The following COL10A1 variants were observed in gnomAD, a reference collection of about 807,000 sequenced individuals.
The protein encoded by COL10A1 is collagen type X alpha 1 chain, also known as collagen alpha-1(X) chain.
In COL10A1, 10 loss-of-function variants were observed where a neutral mutation model predicts 18.2. The ratio of observed to expected loss-of-function variants is 0.55; its 90% CI spans 0.34 to 0.93. The LOEUF is 0.93. Ranked by LOEUF, COL10A1 falls within the 40% of genes least tolerant of loss-of-function variation. COL10A1 has a pLI of 0.02. For synonymous variants in COL10A1, 330 were observed against 316.6 expected, an observed-to-expected ratio of 1.04 and a Z score of -0.45; for missense variants, 897 against 853.5, an observed-to-expected ratio of 1.05 and a Z score of -0.64.
the COL10A1 span, among the ~76,000 whole-genome samples, chr6:116,174,201 G>A: frequency 6.6e-6 from 1 of 152,126 alleles, no homozygotes; most frequent in Admixed American, 6.5e-5. Context: ...TTTCTCTACT[G>A]TAAAGTTACT....
chr6:116,124,144 T>G (rs2114303045), intron 2 of COL10A1, among the ~76,000 whole-genome samples: 1 of 152,274 alleles, frequency 6.6e-6, no homozygotes, highest in Non-Finnish European at 1.5e-5. Flanking sequence ...TTAAGTTTCC[T>G]TTTGTGAAAT....
chr6:116,147,672 TACAAG>T (rs1164427980), intron 1 of COL10A1, among the ~76,000 whole-genome samples: 3 of 152,204 alleles, frequency 2.0e-5, no homozygotes, highest in African/African-American at 7.2e-5. Context: ...TAGAAACTGT[TACAAG>T]ACTTTATATA....
chr6:116,174,879 A>T, the COL10A1 span, among the ~76,000 whole-genome samples: 1 of 152,190 alleles, frequency 6.6e-6, no homozygotes, highest in Non-Finnish European at 1.5e-5. Flanking sequence ...AAGCCATTTT[A>T]GGATAGCAAG....
the COL10A1 span, among the ~76,000 whole-genome samples, chr6:116,180,864 G>A: frequency 5.3e-5 from 8 of 152,028 alleles, no homozygotes; most frequent in Non-Finnish European, 7.4e-5. Flanking sequence ...TTTGTGAGTC[G>A]TGTATTTTCA....
the COL10A1 span, among the ~76,000 whole-genome samples, chr6:116,208,605 A>G: frequency 6.6e-6 from 1 of 151,996 alleles, no homozygotes; most frequent in Non-Finnish European, 1.5e-5. Flanking sequence ...TCATGTCATC[A>G]TGTCATCATG....
At chr6:116,212,885 A>C in the COL10A1 span, among the ~76,000 whole-genome samples, 54 of 152,126 alleles carry the variant, frequency 3.5e-4, no homozygotes, top group Non-Finnish European at 4.4e-5. Context: ...TAAAACATTT[A>C]TGCTGACAAA....
the COL10A1 span, among the ~76,000 whole-genome samples, chr6:116,193,993 T>A: frequency 6.6e-6 from 1 of 151,792 alleles, no homozygotes; most frequent in African/African-American, 2.4e-5. Context: ...AAGCCCAGGA[T>A]CCATGATCAC....
chr6:116,216,154 G>GATAATT, the COL10A1 span, among the ~76,000 whole-genome samples: 2 of 151,990 alleles, frequency 1.3e-5, no homozygotes, highest in South Asian at 4.1e-4. Context: ...TGACATTTAA[G>GATAATT]ATAATTGGCA....
rs776946411 is a variant in COL10A1, at chr6:116,121,153, G to A, written c.963C>T (p.Ala321=). 1.2e-6 allele frequency: 2 copies of A among 1,613,152 alleles called. No individual in the cohort carries two copies. Among genetic ancestry groups the A allele is most frequent in the Admixed American group, 1.7e-5 (1 of 59,938 alleles). The change falls in exon 3 of 3, where the codon GCC becomes GCT. Residue 321 remains alanine, a synonymous_variant. Transcript: ENST00000651968. The stretch of plus-strand genomic sequence containing the variant: ...GACCTGCTGGCCCTTGTTCCCCTTT[G>A]GCACCTGGACCCCCAGGAAGGCCAG... ...GPAGLPGGPG[A]KGEQGPAGLP...
intron 1 of COL10A1, among the ~76,000 whole-genome samples, chr6:116,135,873 A>ATATATATG (rs1491111454): frequency 9.7e-5 from 6 of 62,176 alleles, no homozygotes; most frequent in South Asian, 8.9e-4. Context: ...ATATATATAT[A>ATATATATG]CACACATACA....
chr6:116,215,306 A>C, the COL10A1 span, among the ~76,000 whole-genome samples: 3 of 152,172 alleles, frequency 2.0e-5, no homozygotes, highest in Non-Finnish European at 4.4e-5. Flanking sequence ...AAATTGCAAA[A>C]CATGGTCTCC....
intron 1 of COL10A1, chr6:116,145,351 T>C (rs541229800): frequency 3.2e-4 from 85 of 268,192 alleles, no homozygotes; most frequent in Admixed American, 2.6e-3. Context: ...TATGAAATGC[T>C]AAAAAAAAAT....
At chr6:116,210,602 A>G in the COL10A1 span, among the ~76,000 whole-genome samples, 1 of 151,980 alleles carries the variant, frequency 6.6e-6, no homozygotes, top group Non-Finnish European at 1.5e-5. Flanking sequence ...CATTATGAGG[A>G]TTAAATCCAT....
the COL10A1 span, among the ~76,000 whole-genome samples, chr6:116,180,500 C>A: frequency 6.6e-6 from 1 of 152,046 alleles, no homozygotes; most frequent in African/African-American, 2.4e-5. Context: ...AGTGAAACTT[C>A]ATGAATGGAG....
At chr6:116,164,942 C>A in the COL10A1 span, among the ~76,000 whole-genome samples, 2 of 151,596 alleles carry the variant, frequency 1.3e-5, no homozygotes, top group African/African-American at 4.8e-5. Context: ...AAATAAAATA[C>A]AAAAAATTAG....
At chr6:116,163,135 A>ATATAT (rs1554197048), upstream of COL10A1, among the ~76,000 whole-genome samples, 30 of 98,538 alleles carry the variant, frequency 3.0e-4, no homozygotes, top group East Asian at 1.5e-3. Flanking sequence ...TCAAAAAAAA[A>ATATAT]AAAAAAATAT....
chr6:116,153,427 A>C (rs1357859607), intron 1 of COL10A1, among the ~76,000 whole-genome samples: 2 of 152,114 alleles, frequency 1.3e-5, no homozygotes, highest in African/African-American at 4.8e-5. Context: ...ATCTTTAAGC[A>C]TAGTGTTTTA....
chr6:116,172,542 G>A, the COL10A1 span, among the ~76,000 whole-genome samples: 1 of 151,818 alleles, frequency 6.6e-6, no homozygotes, highest in African/African-American at 2.4e-5. Context: ...GGATGGTCTC[G>A]ATCTCCTGAC....
At chr6:116,125,568 A>G in intron 1 of COL10A1, 61 bp from the exon 2 acceptor site, 10 of 1,489,624 alleles carry the variant, frequency 6.7e-6, no homozygotes, top group South Asian at 1.1e-5. Flanking sequence ...TTTTATTCTC[A>G]TGTTTCACAG....
Sources: gnomAD v4.1 joint callset for allele counts (sites outside exome capture counted in the v4.1 genomes callset) on GRCh38, gnomAD v4.1.1 for gene constraint, MANE v1.5 for transcripts, NCBI Gene and HGNC (gene_info 2026-07-23, HGNC 2026-07-21) for gene names.